GALNT14: variants seen among roughly 807,000 people sequenced by gnomAD.
The protein encoded by GALNT14 is polypeptide N-acetylgalactosaminyltransferase 14.
In GALNT14, 60 loss-of-function variants were observed where a neutral mutation model predicts 77.5. That is an observed-to-expected ratio of 0.77 (90% CI 0.63 to 0.96). GALNT14 has a LOEUF of 0.96. Ranked by LOEUF, GALNT14 falls within the 40% of genes least tolerant of loss-of-function variation. The probability of loss-of-function intolerance (pLI) is 0.00; values close to 1 mark genes in which losing one functional copy is unlikely to be tolerated. For synonymous variants in GALNT14, 280 were observed against 281.7 expected, an observed-to-expected ratio of 0.99 and a Z score of 0.06; for missense variants, 710 against 731.0, an observed-to-expected ratio of 0.97 and a Z score of 0.33.
chr2:31,072,762 G>T (rs1675496165), intron 1 of GALNT14, among the ~76,000 whole-genome samples: 2 of 152,130 alleles, frequency 1.3e-5, no homozygotes. Flanking sequence ...GCAGAGATGT[G>T]CCAGACAGGG....
At chr2:30,907,242 A>C (rs147466436), downstream of GALNT14, among the ~76,000 whole-genome samples, 1,050 of 152,322 alleles carry the variant, frequency 6.9e-3, 14 homozygotes, top group Middle Eastern at 0.014. Flanking sequence ...AGACACAAAA[A>C]ACCCTTCAAA....
intron 1 of GALNT14, among the ~76,000 whole-genome samples, chr2:31,041,927 C>G (rs1199809350): frequency 1.3e-5 from 2 of 152,064 alleles, no homozygotes; most frequent in African/African-American, 4.8e-5. Flanking sequence ...AAGAGAGAAA[C>G]TTGATGTTTC....
chr2:31,049,800 G>T (rs6738622), intron 1 of GALNT14, among the ~76,000 whole-genome samples: 113,562 of 152,152 alleles, frequency 0.75, 42,654 homozygotes, highest in East Asian at 1. Flanking sequence ...CCTTCTGACT[G>T]CACATTAAAC....
intron 14 of GALNT14, among the ~76,000 whole-genome samples, 168 bp downstream of exon 14, chr2:30,912,055 G>A (rs141332066): frequency 6.6e-6 from 1 of 152,292 alleles, no homozygotes; most frequent in African/African-American, 2.4e-5. Context: ...ATTGCTGCTA[G>A]CATCACAGAG....
chr2:30,938,308 T>TAAAC (rs1666176067), intron 9 of GALNT14, among the ~76,000 whole-genome samples: 1 of 142,712 alleles, frequency 7.0e-6, no homozygotes, highest in African/African-American at 2.6e-5. Flanking sequence ...ACATACACCC[T>TAAAC]ACACACACAC....
chr2:30,917,076 C>CAAAAAAAAA (rs529653696), intron 13 of GALNT14, among the ~76,000 whole-genome samples: 538 of 19,908 alleles, frequency 0.027, 96 homozygotes, highest in African/African-American at 0.049. Flanking sequence ...GACTCCGTCT[C>CAAAAAAAAA]AAAAAAAAAA....
intron 1 of GALNT14, among the ~76,000 whole-genome samples, chr2:31,079,757 A>C (rs868476980): frequency 1.2e-4 from 19 of 152,282 alleles, no homozygotes; most frequent in Non-Finnish European, 1.5e-4. Context: ...AGAGCACCCC[A>C]CGGGCTTCCT....
At chr2:31,094,543 G>T (rs1676911354) in intron 1 of GALNT14, among the ~76,000 whole-genome samples, 1 of 152,208 alleles carries the variant, frequency 6.6e-6, no homozygotes, top group South Asian at 2.1e-4. Flanking sequence ...AGAGGCTCTT[G>T]ATCACTCTTT....
intron 1 of GALNT14, among the ~76,000 whole-genome samples, chr2:31,028,876 T>A (rs1314424934): frequency 1.3e-5 from 2 of 152,164 alleles, no homozygotes; most frequent in African/African-American, 2.4e-5. Flanking sequence ...ACGGCTCCCA[T>A]GCTAAGCAGC....
At chr2:30,888,723 C>T in the GALNT14 span, among the ~76,000 whole-genome samples, 67 of 152,074 alleles carry the variant, frequency 4.4e-4, no homozygotes, top group African/African-American at 1.6e-3. Context: ...CAACTAGGCA[C>T]AAGGAAAGAA....
chr2:30,990,700 C>A (rs1204331019), intron 2 of GALNT14, among the ~76,000 whole-genome samples: 1 of 152,230 alleles, frequency 6.6e-6, no homozygotes, highest in African/African-American at 2.4e-5. Flanking sequence ...GTCCCATGTG[C>A]TTGCCCTCAT....
chr2:31,096,307 G>A (rs1227356987), intron 1 of GALNT14, among the ~76,000 whole-genome samples: 2 of 152,148 alleles, frequency 1.3e-5, no homozygotes, highest in African/African-American at 4.8e-5. Context: ...GAATTAGGAT[G>A]TGCACAACTT....
chr2:31,125,091 G>A (rs1678637570), intron 1 of GALNT14: 6 of 1,180,748 alleles, frequency 5.1e-6, no homozygotes, highest in South Asian at 2.6e-5. Context: ...ACAGTACCCA[G>A]GGCCTGCTTG....
chr2:30,911,036 G>T lies in GALNT14; in HGVS notation c.1524C>A (p.His508Gln), dbSNP rs1664328894. 1.9e-6 allele frequency: 3 copies of T among 1,614,018 alleles called. No individual in the cohort carries two copies. Among genetic ancestry groups the T allele is most frequent in the Non-Finnish European group, 2.5e-6 (3 of 1,179,998 alleles). The change falls in exon 15 of 15, where the codon CAC becomes CAA. Residue 508 changes from histidine to glutamine, a missense_variant. By Grantham distance (24) the His-to-Gln change is conservative. Transcript: ENST00000349752. The stretch of plus-strand genomic sequence containing the variant: ...AGAGGTGGGATGCTATGTGCTCGAT[G>T]TGGGAACCAGTTTTGGTCCATTGCT... ...DRQQWTKTGS[H>Q]IEHIASHLCL...
intron 1 of GALNT14, among the ~76,000 whole-genome samples, chr2:31,015,264 C>A (rs1671279766): frequency 6.7e-6 from 1 of 148,160 alleles, no homozygotes; most frequent in South Asian, 2.1e-4. Context: ...TGCACTCCAG[C>A]CTGGGTGACA....
chr2:31,060,947 G>C (rs1364874176), intron 1 of GALNT14, among the ~76,000 whole-genome samples: 3 of 152,108 alleles, frequency 2.0e-5, no homozygotes, highest in Non-Finnish European at 4.4e-5. Context: ...TTTCTTCCTA[G>C]GAGGCTTTGA....
chr2:31,009,363 C>A lies in GALNT14; in HGVS notation c.130-16356G>T, dbSNP rs141829773. ...CTGTTTCAGAATACTTTCTCCTGGG[C>A]TTCTCAGACTTTGGCATCTTCTTCA... On this transcript the variant is annotated intron_variant, in intron 1 of 14. Coordinates refer to ENST00000349752, the MANE Select transcript of GALNT14 (RefSeq NM_024572.4). Among the ~76,000 whole-genome samples, 157 of 152,300 alleles carry A rather than the reference C, an allele frequency of 1.0e-3. 2 individuals are homozygous for A. Among genetic ancestry groups the A allele is most frequent in the Admixed American group, 9.4e-3 (144 of 15,292 alleles).
chr2:31,126,524 A>C (rs1011320799), intron 1 of GALNT14, among the ~76,000 whole-genome samples: 15 of 152,240 alleles, frequency 9.9e-5, no homozygotes, highest in Non-Finnish European at 1.8e-4. Flanking sequence ...TGTTAAAAAG[A>C]ATAGATGACT....
At chr2:30,959,321 G>T (rs1667551374) in intron 3 of GALNT14, among the ~76,000 whole-genome samples, 1 of 152,180 alleles carries the variant, frequency 6.6e-6, no homozygotes. Context: ...CCTCTGGAGG[G>T]AAATATCCCA....
Sources: gnomAD v4.1 joint callset for allele counts (sites outside exome capture counted in the v4.1 genomes callset) on GRCh38, gnomAD v4.1.1 for gene constraint, MANE v1.5 for transcripts, NCBI Gene and HGNC (gene_info 2026-07-23, HGNC 2026-07-21) for gene names.